Variants in MAZ observed in about 807,000 individuals in gnomAD.
MAZ encodes the protein MYC associated zinc finger protein.
MAZ carries 4 observed loss-of-function variants against 32.7 expected under a neutral mutation model. The observed-to-expected ratio is 0.12, with a 90% confidence interval of 0.06 to 0.28. MAZ has a LOEUF of 0.28. Ranked by LOEUF, MAZ falls within the 10% of genes least tolerant of loss-of-function variation. The pLI is 1.00. For synonymous variants in MAZ, 510 were observed against 297.6 expected (o/e 1.71, Z -7.35); for missense variants, 763 against 667.2 (o/e 1.14, Z -1.58).
At position 29,810,265 on chromosome 16, in the gene MAZ, G is replaced by A. The variant is rs1447365482; in HGVS notation, c.*34G>A. On this transcript the variant is annotated 3_prime_UTR_variant, in exon 5 of 5. Transcript: ENST00000322945. ...TTGGTTGCGGGGGAGAGGGGAGAAT[G>A]GAGTAGAGTCCCTTGGTACAAGCTC... is the stretch of plus-strand genomic sequence containing the variant. 1.3e-6 allele frequency: 2 copies of A among 1,549,864 alleles called. No individual in the cohort carries two copies. Among genetic ancestry groups the A allele is most frequent in the Non-Finnish European group, 8.7e-7 (1 of 1,144,020 alleles).
intron 3 of MAZ, 55 bp downstream of exon 3, chr16:29,808,348 G>T: frequency 4.5e-6 from 7 of 1,544,112 alleles, no homozygotes; most frequent in South Asian, 1.1e-5. Flanking sequence ...CCTCATGGTA[G>T]CTGTCTGAGT....
chr16:29,806,838 C>T lies in MAZ; in HGVS notation c.137C>T (p.Ala46Val). 2 of 1,452,588 alleles carry T rather than the reference C, an allele frequency of 1.4e-6. No homozygotes were observed. The highest frequency in any genetic ancestry group is 1.8e-6 in the Non-Finnish European group (2 of 1,095,086). The allele number at this position is 1,452,588 out of a possible 1,614,324, so 90.0% of individuals were successfully genotyped here. A position where few individuals can be genotyped will look rare whatever the true frequency, so the allele number is the denominator to read the frequency against. The stretch of plus-strand genomic sequence containing the variant: ...GCCCAGAACCCCCTGCAGGTCGGGG[C>T]TGAGCTCCAGTCCCGCTTCTTTGCC... ...GHAQNPLQVG[A>V]ELQSRFFASQ... is the part of the protein sequence containing the mutation. Residue 46 changes from alanine to valine, a missense_variant, in exon 1 of 5, where the codon GCT (alanine) becomes GTT (valine). Ala to Val is a moderately conservative substitution (Grantham distance 64). Coordinates refer to ENST00000322945, the MANE Select transcript of MAZ (RefSeq NM_002383.4).
chr16:29,810,869 A>G lies in MAZ; in HGVS notation c.*638A>G, dbSNP rs1440243071. 1.8e-5 allele frequency: 6 copies of G among 340,730 alleles called. No homozygotes were observed. In the East Asian group the frequency reaches 5.1e-4, roughly 29 times the overall value. 21.1% of individuals were successfully genotyped at this position (340,730 alleles called of 1,614,324 possible). On this transcript the variant is annotated 3_prime_UTR_variant, in exon 5 of 5. Transcript: ENST00000322945. Reference sequence around the variant, plus strand: ...AGGGGAAAAAGTCAAGGGGAGCAGGAGGAAGAGCCAGGAGGGCCAGAGGCA... The same window carrying G: ...AGGGGAAAAAGTCAAGGGGAGCAGGGGGAAGAGCCAGGAGGGCCAGAGGCA...
At position 29,807,350 on chromosome 16, in the gene MAZ, C is replaced by T. The variant is rs756082446; in HGVS notation, c.565C>T (p.Pro189Ser). The change falls in exon 2 of 5, where the codon CCC becomes TCC. Residue 189 changes from proline (P) to serine (S), a missense_variant. Coordinates refer to ENST00000322945, the MANE Select transcript of MAZ (RefSeq NM_002383.4). ...GGAGAAGAAGACAAAGAGCAAGGGG[C>T]CCTACATCTGCGCTCTGTGCGCCAA... Reference protein sequence around the residue: ...ALEKKTKSKGPYICALCAKEF... With the variant: ...ALEKKTKSKGSYICALCAKEF... The T allele has an allele frequency of 1.1e-5, 18 of 1,611,856 alleles. No homozygotes were observed. The highest frequency in any genetic ancestry group is 5.0e-5 in the Admixed American group (3 of 59,944).
At chr16:29,808,815 G>T in intron 4 of MAZ, 74 bp downstream of exon 4, 1 of 1,479,322 alleles carries the variant, frequency 6.8e-7, no homozygotes, top group Non-Finnish European at 9.2e-7. Context: ...CCACGGATAC[G>T]GGTTAAGGGT....
At chr16:29,809,490 G>A (rs776609201) in intron 4 of MAZ, 72 of 1,218,182 alleles carry the variant, frequency 5.9e-5, no homozygotes, top group African/African-American at 1.5e-5. Context: ...CCCGTCTCTG[G>A]GGTCTCCGCC....
At position 29,807,826 on chromosome 16, in the gene MAZ, C is replaced by T. The variant is rs1899613618; in HGVS notation, c.1041C>T (p.Ser347=). 2.5e-6 allele frequency: 4 copies of T among 1,604,404 alleles called. No homozygotes were observed. The highest frequency in any genetic ancestry group is 4.5e-5 in the East Asian group (2 of 44,804). Residue 347 remains serine (S), a splice_region_variant and synonymous_variant, in exon 2 of 5, where the codon TCC becomes TCT. Transcript: ENST00000322945. ...YNCSHCGKSF[S]RPDHLNSHVR... is the part of the protein sequence containing the mutation. The stretch of plus-strand genomic sequence containing the variant: ...GCTCCCACTGTGGCAAGAGCTTCTC[C>T]CGGTGTGCACGGGGCCTCGGCCGCC...
intron 4 of MAZ, chr16:29,809,790 G>A (rs1329670616): frequency 3.3e-6 from 4 of 1,225,942 alleles, no homozygotes; most frequent in East Asian, 2.6e-5. Context: ...TGGCTGGGGG[G>A]CGGGATGGGG....
At chr16:29,808,196 C>A in intron 2 of MAZ, 34 bp from the exon 3 acceptor site, 1 of 1,590,738 alleles carries the variant, frequency 6.3e-7, no homozygotes, top group Non-Finnish European at 8.6e-7. Flanking sequence ...GGCGCACCAC[C>A]TCCGCCCTAA....
In MAZ at chr16:29,808,647, C is replaced by T. The variant is rs774573917; in HGVS notation, c.1185C>T (p.His395=). The change falls in exon 4 of 5, where the codon CAC becomes CAT. Residue 395 remains histidine (H), a synonymous_variant. Transcript: ENST00000322945. Reference sequence around the variant, plus strand: ...GACACGAGGAGAAAGTGCCATGTCACGTGTGTGGCAAGATGCTGAGCTCGG... The same window carrying T: ...GACACGAGGAGAAAGTGCCATGTCATGTGTGTGGCAAGATGCTGAGCTCGG... ...TVRHEEKVPC[H]VCGKMLSSAY... 11 of 1,613,834 alleles carry T rather than the reference C, an allele frequency of 6.8e-6. No homozygotes were observed. The highest frequency in any genetic ancestry group is 1.6e-4 in the Middle Eastern group (1 of 6,062).
At chr16:29,809,704 G>A (rs1344464995) in intron 4 of MAZ, 3 of 1,495,936 alleles carry the variant, frequency 2.0e-6, no homozygotes, top group African/African-American at 2.8e-5. Context: ...CGCCCCCCCT[G>A]TCCCGGGAGA....
rs924423932 is a variant in MAZ at position 29,811,064 on chromosome 16, C to T, written c.*833C>T. On this transcript the variant is annotated 3_prime_UTR_variant, in exon 5 of 5. Coordinates refer to ENST00000322945, the MANE Select transcript of MAZ (RefSeq NM_002383.4). Reference sequence around the variant, plus strand: ...CCCCACGACAGAAGAAGTTGTGGCCCTGGCCATGTCATCGTGTTCCTGTGT... The same window carrying T: ...CCCCACGACAGAAGAAGTTGTGGCCTTGGCCATGTCATCGTGTTCCTGTGT... 1.1e-5 allele frequency: 5 copies of T among 455,178 alleles called. No homozygotes were observed. Among genetic ancestry groups the T allele is most frequent in the Admixed American group, 9.4e-5 (4 of 42,514 alleles). 28.2% of individuals were successfully genotyped at this position (455,178 alleles called of 1,614,324 possible).
rs751939187 is a variant in MAZ, at chr16:29,810,277, C to T, written c.*46C>T. 19 of 1,531,256 alleles carry T rather than the reference C, an allele frequency of 1.2e-5. No homozygotes were observed. The highest frequency in any genetic ancestry group is 1.6e-5 in the Non-Finnish European group (18 of 1,129,416). The allele number at this position is 1,531,256 out of a possible 1,614,324, so 94.9% of individuals were successfully genotyped here. ...GAGAGGGGAGAATGGAGTAGAGTCC[C>T]TTGGTACAAGCTCCTCTCCCCCCTC... On this transcript the variant is annotated 3_prime_UTR_variant, in exon 5 of 5. Transcript: ENST00000322945.
Position 29,810,562 on chromosome 16 carries a change from G to A in MAZ, c.*331G>A, listed in dbSNP as rs1393218208. The stretch of plus-strand genomic sequence containing the variant: ...GTAAGCCCATGCCCTGTCTTCCCAG[G>A]GACTTGTGAGCCTCTTCCCTCGACG... On this transcript the variant is annotated 3_prime_UTR_variant, in exon 5 of 5. Transcript: ENST00000322945. The A allele has an allele frequency of 1.4e-6, 1 of 699,154 alleles. No homozygotes were observed. The highest frequency in any genetic ancestry group is 2.6e-6 in the Non-Finnish European group (1 of 383,224). 43.3% of individuals were successfully genotyped at this position (699,154 alleles called of 1,614,324 possible).
At chr16:29,808,101 C>CT in intron 2 of MAZ, 129 bp from the exon 3 acceptor site, 2 of 1,003,600 alleles carry the variant, frequency 2.0e-6, no homozygotes, top group Non-Finnish European at 1.5e-6. Context: ...GGATTTCCTG[C>CT]TTAAGTGTCG....
chr16:29,808,379 TTCTC>T (rs1056462004), intron 3 of MAZ, 86 bp downstream of exon 3: 3 of 1,359,146 alleles, frequency 2.2e-6, no homozygotes, highest in South Asian at 1.2e-5. Flanking sequence ...GACCCCCTTT[TTCTC>T]TCTCTTCTTT....
chr16:29,809,598 C>T (rs762097134), intron 4 of MAZ: 2 of 1,612,378 alleles, frequency 1.2e-6, no homozygotes, highest in South Asian at 1.1e-5. Context: ...GGCTCCAGGC[C>T]CCGCGGGCTG....
intron 4 of MAZ, 177 bp downstream of exon 4, chr16:29,808,918 A>T: frequency 1.6e-6 from 1 of 615,232 alleles, no homozygotes. Context: ...GACTCTAAGA[A>T]GTCCTGGTTG....
chr16:29,807,849 G>T (rs1421264824), intron 2 of MAZ, 21 bp downstream of exon 2: 2 of 1,593,754 alleles, frequency 1.3e-6, no homozygotes, highest in Non-Finnish European at 8.5e-7. Context: ...GGCCTCGGCC[G>T]CCCGCTAGGC....
Sources: allele counts gnomAD v4.1 joint callset, GRCh38; gene constraint gnomAD v4.1.1; transcripts MANE v1.5; gene names NCBI Gene and HGNC (gene_info 2026-07-23, HGNC 2026-07-21).